Variants in CASK observed in about 807,000 individuals in gnomAD.
CASK encodes the protein calcium/calmodulin dependent serine protein kinase.
CASK carries 4 observed loss-of-function variants against 82.9 expected under a neutral mutation model. That is an observed-to-expected ratio of 0.05 (90% CI 0.02 to 0.11). The LOEUF (loss-of-function observed/expected upper bound fraction) is 0.11. CASK is among the 10% of genes least tolerant of loss of function. The probability of loss-of-function intolerance (pLI) is 1.00; values close to 1 mark genes in which losing one functional copy is unlikely to be tolerated. For synonymous variants in CASK, 259 were observed against 253.5 expected, an observed-to-expected ratio of 1.02 and a Z score of -0.20; for missense variants, 358 against 720.9, an observed-to-expected ratio of 0.50 and a Z score of 5.76.
At chrX:41,834,753 A>G (rs1479137894) in intron 2 of CASK, among the ~76,000 whole-genome samples, 1 of 112,072 alleles carries the variant, frequency 8.9e-6, no homozygotes, top group Admixed American at 9.5e-5. Flanking sequence ...AATTTATTAT[A>G]TTTTCTATCT....
chrX:41,556,991 C>G (rs1189165944), intron 19 of CASK, 41 bp downstream of exon 19: 1 of 1,103,196 alleles, frequency 9.1e-7, no homozygotes, highest in African/African-American at 1.8e-5. Flanking sequence ...TGAGCACCAA[C>G]AAAATTGTCA....
intron 1 of CASK, among the ~76,000 whole-genome samples, chrX:41,854,232 A>G (rs1034489733): frequency 1.3e-3 from 132 of 101,991 alleles, no homozygotes; most frequent in African/African-American, 4.5e-3. Flanking sequence ...GCGCACACAC[A>G]CACACACACA....
chrX:41,664,832 A>G (rs1330661345), intron 7 of CASK, among the ~76,000 whole-genome samples: 3 of 112,833 alleles, frequency 2.7e-5, no homozygotes, highest in South Asian at 3.6e-4. Flanking sequence ...AAATGCCTCT[A>G]TATTGTATCA....
chrX:41,836,225 A>G (rs1016878969), intron 2 of CASK, among the ~76,000 whole-genome samples: 2 of 112,091 alleles, frequency 1.8e-5, no homozygotes, highest in Non-Finnish European at 3.8e-5. Flanking sequence ...ACAAAAAAAA[A>G]TCTAAGGGAA....
chrX:41,869,812 CAAAAAAA>C (rs72190097), intron 1 of CASK, among the ~76,000 whole-genome samples: 4 of 12,116 alleles, frequency 3.3e-4, no homozygotes, highest in East Asian at 4.5e-3. Flanking sequence ...GACTCTGTCT[CAAAAAAA>C]AAAAAAAAAA....
chrX:41,866,127 T>C (rs1449902950), intron 1 of CASK, among the ~76,000 whole-genome samples: 1 of 112,526 alleles, frequency 8.9e-6, no homozygotes, highest in African/African-American at 3.2e-5. Context: ...TTCACCGTAG[T>C]TGGCAGAACA....
chrX:41,763,598 G>A (rs1254618164), intron 3 of CASK, among the ~76,000 whole-genome samples: 4 of 111,376 alleles, frequency 3.6e-5, no homozygotes, highest in Admixed American at 2.9e-4. Flanking sequence ...GGTGGTCGAG[G>A]CTGCAGTGAG....
At chrX:41,902,873 T>C (rs5964063) in intron 1 of CASK, among the ~76,000 whole-genome samples, 1,166 of 112,039 alleles carry the variant, frequency 0.01, 15 homozygotes, top group African/African-American at 0.035. Context: ...CATGGCAGTA[T>C]CTCATCAGGT....
chrX:41,770,129 A>G (rs745377853), intron 3 of CASK, among the ~76,000 whole-genome samples: 6 of 111,161 alleles, frequency 5.4e-5, no homozygotes, highest in Non-Finnish European at 1.9e-5. Context: ...GGGACTTCAT[A>G]TACTGAGATT....
At position 41,586,992 on chromosome X, in the gene CASK, A is replaced by G; in HGVS notation, c.1234-5T>C. On this transcript the variant is annotated splice_region_variant and splice_polypyrimidine_tract_variant and intron_variant, in intron 13 of 26. Coordinates refer to ENST00000378163, the MANE Select transcript of CASK (RefSeq NM_001367721.1). Reference sequence around the variant, plus strand: ...ACATGAAATTTCTTCCAATACCTAAAAAATAAACAAGATATACAATAATAC... The same window carrying G: ...ACATGAAATTTCTTCCAATACCTAAGAAATAAACAAGATATACAATAATAC... 9.8e-7 allele frequency: 1 copy of G among 1,018,272 alleles called. No homozygotes were observed. Among genetic ancestry groups the G allele is most frequent in the Non-Finnish European group, 1.4e-6 (1 of 722,132 alleles). 83.9% of individuals were successfully genotyped at this position (1,018,272 alleles called of 1,213,427 possible). A position where few individuals can be genotyped will look rare whatever the true frequency, so the allele number is the denominator to read the frequency against.
intron 2 of CASK, among the ~76,000 whole-genome samples, chrX:41,834,345 T>G (rs997100784): frequency 2.9e-4 from 33 of 111,976 alleles, no homozygotes; most frequent in African/African-American, 1.1e-3. Context: ...AAAGGAGAAC[T>G]TCTATGTCCA....
chrX:41,721,937 T>A (rs2068176212), intron 5 of CASK, among the ~76,000 whole-genome samples: 1 of 112,289 alleles, frequency 8.9e-6, no homozygotes, highest in Admixed American at 9.5e-5. Context: ...CACATATTAA[T>A]CTAAATTCTT....
At chrX:41,846,705 T>C (rs1377749784) in intron 2 of CASK, among the ~76,000 whole-genome samples, 1 of 111,691 alleles carries the variant, frequency 9.0e-6, no homozygotes, top group African/African-American at 3.3e-5. Context: ...ATGTGACCTA[T>C]AAATATATAT....
chrX:41,891,047 C>T (rs1018768640), intron 1 of CASK, among the ~76,000 whole-genome samples: 2 of 108,440 alleles, frequency 1.8e-5, no homozygotes, highest in South Asian at 4.1e-4. Context: ...GCCACCACAC[C>T]CAGCTATTTT....
chrX:41,680,288 C>G (rs1164541363), intron 5 of CASK, among the ~76,000 whole-genome samples: 6 of 109,316 alleles, frequency 5.5e-5, no homozygotes, highest in African/African-American at 2.0e-4. Flanking sequence ...TTGAGACCAT[C>G]CTGGCCAACA....
chrX:41,829,080 C>G (rs750161843), intron 2 of CASK, among the ~76,000 whole-genome samples: 1 of 111,869 alleles, frequency 8.9e-6, no homozygotes, highest in Non-Finnish European at 1.9e-5. Context: ...ATTTAAATAG[C>G]CCAGACAGAT....
chrX:41,902,056 T>C (rs1378271773), intron 1 of CASK, among the ~76,000 whole-genome samples: 4 of 110,833 alleles, frequency 3.6e-5, no homozygotes, highest in Non-Finnish European at 3.8e-5. Flanking sequence ...TCTGCTGGGG[T>C]GGGTTTGGAA....
chrX:41,601,928 G>A (rs2065899378), intron 12 of CASK, among the ~76,000 whole-genome samples: 1 of 111,139 alleles, frequency 9.0e-6, no homozygotes, highest in African/African-American at 3.3e-5. Flanking sequence ...AATTGCATTG[G>A]CAATCTTGTT....
At chrX:41,737,585 T>C (rs1272029191) in intron 5 of CASK, among the ~76,000 whole-genome samples, 3 of 112,457 alleles carry the variant, frequency 2.7e-5, no homozygotes, top group Non-Finnish European at 5.6e-5. Flanking sequence ...TATCTACTTT[T>C]GGATATTAAT....
Sources: allele counts gnomAD v4.1 joint callset (sites outside exome capture counted in the v4.1 genomes callset), GRCh38; gene constraint gnomAD v4.1.1; transcripts MANE v1.5; gene names NCBI Gene and HGNC (gene_info 2026-07-23, HGNC 2026-07-21).